Variants in BAZ1B observed in about 807,000 individuals in gnomAD.
BAZ1B encodes bromodomain adjacent to zinc finger domain 1B.
In BAZ1B, 22 loss-of-function variants were observed where a neutral mutation model predicts 153.8. That is an observed-to-expected ratio of 0.14 (90% CI 0.10 to 0.20). The LOEUF (loss-of-function observed/expected upper bound fraction) is 0.20, where lower values mean the gene tolerates loss of function less well. Among genes scored for constraint, BAZ1B ranks in the 10% least tolerant of loss-of-function variants. BAZ1B has a pLI of 1.00. For synonymous variants in BAZ1B, 676 were observed against 633.4 expected, an observed-to-expected ratio of 1.07 and a Z score of -1.01; for missense variants, 1,325 against 1,799.3, an observed-to-expected ratio of 0.74 and a Z score of 4.77.
At chr7:73,444,279 A>T in intron 16 of BAZ1B, 150 bp from the exon 17 acceptor site, 1 of 901,420 alleles carries the variant, frequency 1.1e-6, no homozygotes, top group South Asian at 2.0e-5. Context: ...TTGCTATTTT[A>T]TCTTGCCTTA....
At chr7:73,512,733 A>C (rs1790639232) in intron 1 of BAZ1B, among the ~76,000 whole-genome samples, 1 of 152,246 alleles carries the variant, frequency 6.6e-6, no homozygotes, top group Non-Finnish European at 1.5e-5. Flanking sequence ...TTAGTGAACA[A>C]TACCTGTATA....
At chr7:73,446,197 C>A (rs1554566581) in intron 16 of BAZ1B, among the ~76,000 whole-genome samples, 2 of 152,174 alleles carry the variant, frequency 1.3e-5, no homozygotes, top group African/African-American at 4.8e-5. Flanking sequence ...CCAAGTATGA[C>A]CATTCAGAGC....
chr7:73,494,275 C>T (rs1210929805), intron 4 of BAZ1B, among the ~76,000 whole-genome samples: 9 of 152,106 alleles, frequency 5.9e-5, no homozygotes, highest in South Asian at 2.1e-4. Flanking sequence ...CCCAGCTACT[C>T]GGGAGGCTGA....
chr7:73,508,301 C>A, intron 3 of BAZ1B, 26 bp downstream of exon 3: 1 of 1,606,016 alleles, frequency 6.2e-7, no homozygotes, highest in South Asian at 1.1e-5. Context: ...GATGGTAAGT[C>A]AAATCAGAAA....
intron 4 of BAZ1B, among the ~76,000 whole-genome samples, chr7:73,497,242 A>T (rs115064835): frequency 3.2e-4 from 49 of 152,152 alleles, no homozygotes; most frequent in African/African-American, 1.2e-3. Context: ...GACCTTATCT[A>T]TGAAAAGCCA....
At chr7:73,453,143 C>T (rs949808710) in intron 13 of BAZ1B, among the ~76,000 whole-genome samples, 1 of 152,218 alleles carries the variant, frequency 6.6e-6, no homozygotes, top group Non-Finnish European at 1.5e-5. Context: ...TAAGTGGAAA[C>T]CTTCAAAGCA....
chr7:73,451,179 A>G (rs1554568087), intron 13 of BAZ1B, among the ~76,000 whole-genome samples, 185 bp from the exon 14 acceptor site: 2 of 152,212 alleles, frequency 1.3e-5, no homozygotes, highest in Non-Finnish European at 2.9e-5. Flanking sequence ...GGTCACACAG[A>G]GATGCAGTGG....
At position 73,489,288 on chromosome 7, in the gene BAZ1B, G is replaced by C. The variant is rs1003399727; in HGVS notation, c.797C>G (p.Thr266Ser). The C allele has an allele frequency of 6.2e-7, 1 of 1,614,170 alleles. No individual in the cohort carries two copies. Among genetic ancestry groups the C allele is most frequent in the Non-Finnish European group, 8.5e-7 (1 of 1,180,016 alleles). ...TACGACCCAAGGTGCATTTTCACCA[G>C]TACCAGCTCGTAATGCATTATGCCG... ...FIRHNALRAG[T>S]GENAPWVVED... The change falls in exon 6 of 20, where the codon ACT becomes AGT. Residue 266 changes from threonine (T) to serine (S), a missense_variant. Transcript: ENST00000339594.
chr7:73,451,088 G>A, intron 13 of BAZ1B, 94 bp from the exon 14 acceptor site: 1 of 1,443,458 alleles, frequency 6.9e-7, no homozygotes, highest in East Asian at 2.4e-5. Context: ...GAATTCTGAG[G>A]ACACTTGCCT....
chr7:73,496,308 A>G (rs1348807598), intron 4 of BAZ1B, among the ~76,000 whole-genome samples: 1 of 152,228 alleles, frequency 6.6e-6, no homozygotes, highest in African/African-American at 2.4e-5. Context: ...AGGAGAAAAC[A>G]AACTGAAGTA....
intron 13 of BAZ1B, among the ~76,000 whole-genome samples, chr7:73,452,255 G>A (rs782726580): frequency 6.6e-6 from 1 of 152,152 alleles, no homozygotes; most frequent in African/African-American, 2.4e-5. Context: ...CGCAAAGCAT[G>A]TAACAGTACT....
chr7:73,473,487 G>GAGGTTGCAGTGAGCC (rs1323028964), intron 7 of BAZ1B, among the ~76,000 whole-genome samples: 5 of 152,104 alleles, frequency 3.3e-5, no homozygotes, highest in Non-Finnish European at 5.9e-5. Context: ...CTGGGAGGTG[G>GAGGTTGCAGTGAGCC]AGGTTGCAGT....
intron 13 of BAZ1B, among the ~76,000 whole-genome samples, chr7:73,457,914 G>A (rs1428408711): frequency 1.1e-4 from 17 of 152,128 alleles, no homozygotes; most frequent in Admixed American, 7.2e-4. Flanking sequence ...AAAGCCCCAC[G>A]TACCCCTGCT....
intron 9 of BAZ1B, among the ~76,000 whole-genome samples, chr7:73,467,392 CAG>C (rs574541309): frequency 3.8e-4 from 58 of 151,480 alleles, no homozygotes; most frequent in Non-Finnish European, 7.8e-4. Context: ...TTTTTTGAGA[CAG>C]AATGTTGCTC....
chr7:73,474,736 C>A (rs963764857), intron 7 of BAZ1B, among the ~76,000 whole-genome samples: 2 of 152,204 alleles, frequency 1.3e-5, no homozygotes, highest in African/African-American at 4.8e-5. Flanking sequence ...GATCACGCCA[C>A]TGCACTAGCC....
intron 15 of BAZ1B, among the ~76,000 whole-genome samples, chr7:73,447,768 T>C (rs781900499): frequency 6.6e-6 from 1 of 152,184 alleles, no homozygotes; most frequent in African/African-American, 2.4e-5. Flanking sequence ...TGAGGTAGAC[T>C]GAAAAGAATA....
At chr7:73,455,459 A>G (rs1440788452) in intron 13 of BAZ1B, among the ~76,000 whole-genome samples, 3 of 152,186 alleles carry the variant, frequency 2.0e-5, no homozygotes, top group African/African-American at 7.2e-5. Context: ...ATTAAGTTTC[A>G]TATTTATTAA....
intron 3 of BAZ1B, among the ~76,000 whole-genome samples, chr7:73,506,612 G>C (rs1208074971): frequency 6.6e-6 from 1 of 151,856 alleles, no homozygotes; most frequent in Admixed American, 6.6e-5. Flanking sequence ...CCAACTCTGG[G>C]AGGCTGAAGT....
chr7:73,447,609 T>C (rs1787885559), intron 15 of BAZ1B, among the ~76,000 whole-genome samples: 2 of 152,080 alleles, frequency 1.3e-5, no homozygotes, highest in African/African-American at 2.4e-5. Context: ...CACAGACAGT[T>C]TGGACAAGAT....
Sources: gnomAD v4.1 joint callset for allele counts (sites outside exome capture counted in the v4.1 genomes callset) on GRCh38, gnomAD v4.1.1 for gene constraint, MANE v1.5 for transcripts, NCBI Gene and HGNC (gene_info 2026-07-23, HGNC 2026-07-21) for gene names.